Variants in ZNF385B observed in about 807,000 individuals in gnomAD.
ZNF385B encodes the protein zinc finger protein 385B.
A neutral mutation model predicts 39.2 loss-of-function variants in ZNF385B; 23 were observed. The ratio of observed to expected loss-of-function variants is 0.59; its 90% CI spans 0.42 to 0.83. The LOEUF is 0.83. Ranked by LOEUF, ZNF385B falls within the 40% of genes least tolerant of loss-of-function variation. The pLI, the probability that ZNF385B is intolerant of heterozygous loss-of-function variation, is 0.00. For synonymous variants in ZNF385B, 205 were observed against 222.6 expected (o/e 0.92, Z 0.70); for missense variants, 552 against 598.9 (o/e 0.92, Z 0.82).
intron 3 of ZNF385B, among the ~76,000 whole-genome samples, chr2:179,592,500 A>T (rs1687650827): frequency 6.6e-6 from 1 of 152,106 alleles, no homozygotes; most frequent in African/African-American, 2.4e-5. Context: ...ACTGTGATTA[A>T]CTCCATGTCG....
At chr2:179,518,760 TAA>T (rs907926142) in intron 4 of ZNF385B, 122 bp from the exon 5 acceptor site, 12 of 537,332 alleles carry the variant, frequency 2.2e-5, no homozygotes, top group African/African-American at 1.2e-4. Context: ...ACAAAGATAA[TAA>T]AGAGTCTCCT....
At chr2:179,493,783 A>ATATAGGTATATG in intron 5 of ZNF385B, among the ~76,000 whole-genome samples, 1 of 103,040 alleles carries the variant, frequency 9.7e-6, no homozygotes, top group Admixed American at 9.3e-5. Context: ...ATGTATATAC[A>ATATAGGTATATG]CATATGTATA....
chr2:179,715,406 C>G (rs1335525153), intron 3 of ZNF385B, among the ~76,000 whole-genome samples: 2 of 152,172 alleles, frequency 1.3e-5, no homozygotes, highest in Non-Finnish European at 2.9e-5. Context: ...TAAACAACCA[C>G]AAACCACAAT....
intron 1 of ZNF385B, among the ~76,000 whole-genome samples, chr2:179,826,798 T>C (rs953236195): frequency 5.3e-5 from 8 of 152,168 alleles, no homozygotes; most frequent in African/African-American, 1.9e-4. Flanking sequence ...TTTGCATCTA[T>C]AAATAATGCA....
In ZNF385B at chr2:179,489,597, A is replaced by G. The variant is rs575552811; in HGVS notation, c.553-6163T>C. Among the ~76,000 whole-genome samples the G allele has an allele frequency of 4.6e-5, 7 of 152,348 alleles. No individual in the cohort carries two copies. In the South Asian group the frequency reaches 1.4e-3, roughly 32 times the overall value. On this transcript the variant is annotated intron_variant, in intron 5 of 9. Coordinates refer to ENST00000410066, the MANE Select transcript of ZNF385B (RefSeq NM_152520.6). ...TTTCTGAGAAATAAATAATTACTTG[A>G]GTCACTGTTTCAAGATAAAACTGTT...
At chr2:179,623,071 G>T (rs1690351379) in intron 3 of ZNF385B, among the ~76,000 whole-genome samples, 1 of 152,290 alleles carries the variant, frequency 6.6e-6, no homozygotes, top group Non-Finnish European at 1.5e-5. Context: ...GCGCTAAGAA[G>T]TTGTGATGCA....
At chr2:179,555,210 T>C (rs553874692) in intron 3 of ZNF385B, among the ~76,000 whole-genome samples, 2 of 149,652 alleles carry the variant, frequency 1.3e-5, no homozygotes, top group Non-Finnish European at 3.0e-5. Flanking sequence ...AAGCATAACG[T>C]TGAAGAAAAG....
intron 3 of ZNF385B, among the ~76,000 whole-genome samples, chr2:179,696,292 G>T (rs1430483679): frequency 7.3e-5 from 9 of 123,126 alleles, no homozygotes; most frequent in Admixed American, 2.7e-4. Context: ...AAAAAGAAAA[G>T]AAATTATACT....
At chr2:179,513,347 G>T (rs1294617988) in intron 5 of ZNF385B, among the ~76,000 whole-genome samples, 1 of 152,176 alleles carries the variant, frequency 6.6e-6, no homozygotes, top group African/African-American at 2.4e-5. Flanking sequence ...AGACTTTGTG[G>T]CTTTACTGCC....
In ZNF385B at chr2:179,459,740, T is replaced by C. The variant is rs148852224; in HGVS notation, c.716-12970A>G. 4.1e-3 allele frequency among the ~76,000 whole-genome samples: 616 copies of C among 150,998 alleles called. 5 individuals carry two copies. The highest frequency in any genetic ancestry group is 7.1e-3 in the Admixed American group (107 of 15,142). On this transcript the variant is annotated intron_variant, in intron 6 of 9. Coordinates refer to ENST00000410066, the MANE Select transcript of ZNF385B (RefSeq NM_152520.6). ...ATAATAAATGCATAAACTTTTATTA[T>C]ATGTAATAAATATCAAAGCACATAT... is the stretch of plus-strand genomic sequence containing the variant.
At chr2:179,490,889 A>C (rs1318548884) in intron 5 of ZNF385B, among the ~76,000 whole-genome samples, 1 of 152,144 alleles carries the variant, frequency 6.6e-6, no homozygotes, top group South Asian at 2.1e-4. Context: ...CTGAACACAA[A>C]TCTTTCCATT....
At chr2:179,486,064 C>T (rs867555238) in intron 5 of ZNF385B, among the ~76,000 whole-genome samples, 5 of 151,854 alleles carry the variant, frequency 3.3e-5, no homozygotes, top group African/African-American at 1.2e-4. Flanking sequence ...TATTTTAGGG[C>T]CTTTATTTAT....
intron 3 of ZNF385B, among the ~76,000 whole-genome samples, chr2:179,684,810 C>T (rs1163077461): frequency 1.3e-5 from 2 of 152,218 alleles, no homozygotes; most frequent in Admixed American, 6.5e-5. Flanking sequence ...GCAACCTACC[C>T]TCTCCGAGGA....
In ZNF385B at chr2:179,640,387, A is replaced by C. The variant is rs561155803; in HGVS notation, c.299-95418T>G. Among the ~76,000 whole-genome samples the C allele has an allele frequency of 5.3e-5, 8 of 152,278 alleles. No homozygotes were observed. The South Asian group carries it at 1.7e-3, about 32-fold the overall frequency. ...TGTCTTGTTATCTGTAATAATTCTC[A>C]AATGATTCAGCATGAGTATATACGC... On this transcript the variant is annotated intron_variant, in intron 3 of 9. Coordinates refer to ENST00000410066, the MANE Select transcript of ZNF385B (RefSeq NM_152520.6).
rs1411541572 is a variant in ZNF385B, at chr2:179,445,628, C to T, written c.1062G>A (p.Lys354=). ...ATGTCTTGTTCTGTAGTCCTGACCC[C>T]TTACTGCCATTCTGCATCTTTAATC... ...GSRLKMQNGS[K]GSGLQNKTFH... is the part of the protein sequence containing the mutation. The change falls in exon 8 of 10, where the codon AAG becomes AAA. Residue 354 remains lysine, a synonymous_variant. Coordinates refer to ENST00000410066, the MANE Select transcript of ZNF385B (RefSeq NM_152520.6). The T allele has an allele frequency of 1.9e-6, 3 of 1,614,012 alleles. No homozygotes were observed. The highest frequency in any genetic ancestry group is 8.5e-7 in the Non-Finnish European group (1 of 1,179,942).
intron 3 of ZNF385B, among the ~76,000 whole-genome samples, chr2:179,562,816 T>C (rs1274283982): frequency 6.6e-6 from 1 of 152,166 alleles, no homozygotes; most frequent in East Asian, 1.9e-4. Context: ...TCTCAAAATA[T>C]CTACTTATCA....
intron 3 of ZNF385B, among the ~76,000 whole-genome samples, chr2:179,760,760 CATAGACACACAGAGCAGAAGAT>C (rs1395390386): frequency 2.0e-5 from 3 of 152,156 alleles, no homozygotes; most frequent in African/African-American, 7.2e-5. Flanking sequence ...GAAGAAAAGA[CATAGACACACAGAGCAGAAGAT>C]GTTGTGAAAA....
chr2:179,487,020 C>T (rs889474530), intron 5 of ZNF385B, among the ~76,000 whole-genome samples: 2 of 152,254 alleles, frequency 1.3e-5, no homozygotes, highest in African/African-American at 4.8e-5. Context: ...TTTCACAGTA[C>T]ACTAAATAGT....
At chr2:179,735,729 G>A (rs1282676466) in intron 3 of ZNF385B, among the ~76,000 whole-genome samples, 2 of 151,200 alleles carry the variant, frequency 1.3e-5, no homozygotes, top group South Asian at 2.1e-4. Context: ...CATGTCCTTT[G>A]TAGGGACATG....
Sources: gnomAD v4.1 joint callset for allele counts (sites outside exome capture counted in the v4.1 genomes callset) on GRCh38, gnomAD v4.1.1 for gene constraint, MANE v1.5 for transcripts, NCBI Gene and HGNC (gene_info 2026-07-23, HGNC 2026-07-21) for gene names.